Variants in NRXN2 observed in about 807,000 individuals in gnomAD.
NRXN2 encodes the protein neurexin-2-beta.
NRXN2 carries 29 observed loss-of-function variants against 128.8 expected under a neutral mutation model. The observed-to-expected ratio is 0.23, with a 90% CI of 0.17 to 0.31. NRXN2 has a LOEUF of 0.31. Ranked by LOEUF, NRXN2 falls within the 10% of genes least tolerant of loss-of-function variation. The pLI is 1.00. For missense variants in NRXN2, 1,881 were observed against 2,452.6 expected (o/e 0.77, Z 4.92); for synonymous variants, 1,098 against 1,075.2 (o/e 1.02, Z -0.41).
chr11:64,698,606 T>C (rs1194465342), intron 2 of NRXN2, among the ~76,000 whole-genome samples: 2 of 152,206 alleles, frequency 1.3e-5, no homozygotes, highest in South Asian at 2.1e-4. Context: ...TGGATGGCCA[T>C]GCCAGTGGGG....
Position 64,648,083 on chromosome 11 carries a change from T to C in NRXN2, c.3403+136A>G. 7.8e-7 allele frequency: 1 copy of C among 1,284,444 alleles called. No homozygotes were observed. Among genetic ancestry groups the C allele is most frequent in the Non-Finnish European group, 1.1e-6 (1 of 904,652 alleles). 79.6% of individuals were successfully genotyped at this position (1,284,444 alleles called of 1,614,324 possible). A position where few individuals can be genotyped will look rare whatever the true frequency, so the allele number is the denominator to read the frequency against. ...GCAGGCCACAGCTCCCCTGGGACTC[T>C]GCAGACAAGGGATGAGAAGGAAGAA... On this transcript the variant is annotated intron_variant, in intron 17 of 22. Transcript: ENST00000265459. The surrounding 1 kb of genome is among the most constrained non-coding windows in gnomAD (Gnocchi z 4.1).
intron 11 of NRXN2, among the ~76,000 whole-genome samples, chr11:64,654,951 G>T (rs1280822507): frequency 1.3e-5 from 2 of 152,210 alleles, no homozygotes; most frequent in East Asian, 1.9e-4. Context: ...TCCTGAGCAG[G>T]AAGTAGGCAG....
chr11:64,610,992 C>T (rs2040547150), intron 22 of NRXN2, among the ~76,000 whole-genome samples: 1 of 152,216 alleles, frequency 6.6e-6, no homozygotes, highest in South Asian at 2.1e-4. Context: ...GAGGATGCTC[C>T]CTGCCTTGAG....
chr11:64,628,788 T>C (rs1011061160), intron 19 of NRXN2, among the ~76,000 whole-genome samples: 5 of 152,204 alleles, frequency 3.3e-5, no homozygotes, highest in African/African-American at 4.8e-5. Context: ...TGTTGGCTTG[T>C]TGGGGGGCGT....
At chr11:64,658,545 C>T (rs890053801) in intron 11 of NRXN2, among the ~76,000 whole-genome samples, 6 of 152,248 alleles carry the variant, frequency 3.9e-5, no homozygotes, top group African/African-American at 9.6e-5. Context: ...TATCTCCCCA[C>T]CTCCAGTCCC....
In NRXN2 at chr11:64,660,414, C is replaced by G. The variant is rs762060093; in HGVS notation, c.2307G>C (p.Met769Ile). The G allele has an allele frequency of 1.9e-6, 3 of 1,614,194 alleles. No individual in the cohort carries two copies. The highest frequency in any genetic ancestry group is 2.2e-5 in the East Asian group (1 of 44,878). Residue 769 changes from methionine (M) to isoleucine (I), a missense_variant, in exon 11 of 23, where the codon ATG (methionine) becomes ATC (isoleucine). By Grantham distance (10) the Met-to-Ile change is conservative. Transcript: ENST00000265459. The surrounding 1 kb of genome is among the most constrained non-coding windows in gnomAD (Gnocchi z 5.2). ...RFMSQRAYGL[M>I]MATTSRESAD... ...CAGACTCCCTGGAAGTGGTGGCCAT[C>G]ATGAGTCCGTAGGCCCGCTGGGACA...
rs774664742 is a variant in NRXN2, at chr11:64,677,074, G to C, written c.1153-37C>G. ...ATATGGGGGGATGGGGAGGAGGGGG[G>C]TGTCAAAAAACAACAACAAACACAA... On this transcript the variant is annotated intron_variant, in intron 6 of 22. Coordinates refer to ENST00000265459, the MANE Select transcript of NRXN2 (RefSeq NM_015080.4). The C allele has an allele frequency of 8.1e-6, 9 of 1,114,014 alleles. No homozygotes were observed. The East Asian group carries it at 1.5e-4, about 18-fold the overall frequency. The allele number at this position is 1,114,014 out of a possible 1,614,324, so 69.0% of individuals were successfully genotyped here.
At chr11:64,627,193 A>AC (rs1209854675) in intron 19 of NRXN2, among the ~76,000 whole-genome samples, 1 of 149,944 alleles carries the variant, frequency 6.7e-6, no homozygotes, top group Non-Finnish European at 1.5e-5. Context: ...CACACCCATG[A>AC]CCCCCCTTAA....
chr11:64,684,380 G>A (rs1009708135), intron 6 of NRXN2, among the ~76,000 whole-genome samples: 9 of 152,146 alleles, frequency 5.9e-5, no homozygotes, highest in African/African-American at 2.2e-4. Context: ...GACAAGAAGA[G>A]GAGCCCCGCA....
At chr11:64,613,332 G>A (rs2040966752) in intron 22 of NRXN2, among the ~76,000 whole-genome samples, 1 of 152,224 alleles carries the variant, frequency 6.6e-6, no homozygotes, top group Non-Finnish European at 1.5e-5. Context: ...GTCCATATGT[G>A]AACATGCCCC....
intron 1 of NRXN2, among the ~76,000 whole-genome samples, chr11:64,717,570 T>C (rs892646233): frequency 2.6e-5 from 4 of 152,200 alleles, no homozygotes; most frequent in Non-Finnish European, 5.9e-5. Context: ...TCCCGATAAC[T>C]CAACATTACC....
At chr11:64,655,733 C>T (rs1466066663) in intron 11 of NRXN2, among the ~76,000 whole-genome samples, 1 of 152,188 alleles carries the variant, frequency 6.6e-6, no homozygotes, top group Non-Finnish European at 1.5e-5. Flanking sequence ...GAAACACAGG[C>T]TCCAGTAGGG....
chr11:64,691,835 T>C (rs1195430541), intron 4 of NRXN2, among the ~76,000 whole-genome samples: 2 of 152,220 alleles, frequency 1.3e-5, no homozygotes, highest in African/African-American at 4.8e-5. Context: ...CATATCTATA[T>C]GAGTTTCTCC....
chr11:64,692,989 G>A, intron 3 of NRXN2, 113 bp from the exon 4 acceptor site: 1 of 909,914 alleles, frequency 1.1e-6, no homozygotes, highest in Admixed American at 2.5e-5. Context: ...AGAGAGAAGG[G>A]AGAAAAAAGC....
chr11:64,622,993 G>T lies in NRXN2; in HGVS notation c.3933C>A (p.Ser1311=). Residue 1311 remains serine (S), a synonymous_variant, in exon 21 of 23, where the codon TCC becomes TCA. Transcript: ENST00000265459. The surrounding 1 kb of genome is among the most constrained non-coding windows in gnomAD (Gnocchi z 4.3). ...CCTTGAGCCCATTGTAGTAGAGGCC[G>T]GACACCTGGCCCTGGAAGGGGCGGC... The part of the protein sequence containing the change: ...DQGRPFQGQV[S]GLYYNGLKVL... 1 of 1,613,072 alleles carries T rather than the reference G, an allele frequency of 6.2e-7. No homozygotes were observed. Among genetic ancestry groups the T allele is most frequent in the Non-Finnish European group, 8.5e-7 (1 of 1,179,788 alleles).
intron 1 of NRXN2, among the ~76,000 whole-genome samples, chr11:64,715,993 G>A (rs1040472194): frequency 2.6e-5 from 4 of 152,122 alleles, no homozygotes; most frequent in Non-Finnish European, 5.9e-5. Context: ...TGGGGGGAGG[G>A]AAAGGTCTAA....
Position 64,633,231 on chromosome 11 carries a change from C to T in NRXN2, c.3585+2040G>A, listed in dbSNP as rs1406727982. Among the ~76,000 whole-genome samples, 7 of 152,364 alleles carry T rather than the reference C, an allele frequency of 4.6e-5. No homozygotes were observed. The East Asian group carries it at 9.6e-4, about 21-fold the overall frequency. On this transcript the variant is annotated intron_variant, in intron 18 of 22. Coordinates refer to ENST00000265459, the MANE Select transcript of NRXN2 (RefSeq NM_015080.4). ...CTCCTCGCATCCTGATCCCCCTACCCTTTCTCCTCAGTACTAGGGGAGCCC... is the reference window on the plus strand; with the variant it reads ...CTCCTCGCATCCTGATCCCCCTACCTTTTCTCCTCAGTACTAGGGGAGCCC...
chr11:64,683,889 G>A (rs927202194), intron 6 of NRXN2, among the ~76,000 whole-genome samples: 1 of 152,196 alleles, frequency 6.6e-6, no homozygotes, highest in African/African-American at 2.4e-5. Flanking sequence ...CTGAGGCCGA[G>A]TGTCTCCTCC....
intron 3 of NRXN2, among the ~76,000 whole-genome samples, chr11:64,696,530 C>CAA (rs527359122): frequency 7.8e-6 from 1 of 128,080 alleles, no homozygotes; most frequent in Non-Finnish European, 1.5e-5. Context: ...TACATACATA[C>CAA]ACACACACAC....
Sources: gnomAD v4.1 joint callset for allele counts (sites outside exome capture counted in the v4.1 genomes callset) on GRCh38, gnomAD v4.1.1 for gene constraint, Gnocchi (gnomAD v3.1) non-coding constraint, MANE v1.5 for transcripts, NCBI Gene and HGNC (gene_info 2026-07-23, HGNC 2026-07-21) for gene names.